SYT7: variants seen among roughly 807,000 people sequenced by gnomAD.
SYT7 encodes the protein synaptotagmin-7.
Under a neutral mutation model 75.1 loss-of-function variants are expected in SYT7, and 29 were observed. The observed-to-expected ratio is 0.39, with a 90% CI of 0.29 to 0.53. SYT7 has a LOEUF of 0.53. Among genes scored for constraint, SYT7 ranks in the 20% least tolerant of loss-of-function variants. The pLI, the probability that SYT7 is intolerant of heterozygous loss-of-function variation, is 0.77. For missense variants in SYT7, 693 were observed against 953.2 expected (o/e 0.73, Z 3.59); for synonymous variants, 376 against 401.7 (o/e 0.94, Z 0.76).
chr11:61,565,833 C>T (rs976340221), intron 1 of SYT7, among the ~76,000 whole-genome samples: 4 of 152,246 alleles, frequency 2.6e-5, no homozygotes, highest in African/African-American at 4.8e-5. Flanking sequence ...GGGCTCAGCA[C>T]GAGCAAGCTT....
At chr11:61,534,413 G>GCACACACACGCACACACACACA (rs796187429) in intron 7 of SYT7, among the ~76,000 whole-genome samples, 2 of 149,688 alleles carry the variant, frequency 1.3e-5, no homozygotes, top group African/African-American at 4.9e-5. Flanking sequence ...ACACACGCAC[G>GCACACACACGCACACACACACA]CACACATGCG....
At chr11:61,532,888 C>G (rs1007474762) in intron 8 of SYT7, 101 bp downstream of exon 8, 11 of 1,505,178 alleles carry the variant, frequency 7.3e-6, no homozygotes, top group Non-Finnish European at 9.8e-6. Flanking sequence ...CCTGCCTGGC[C>G]ACTCCCATGC....
At chr11:61,569,174 A>AT (rs564314734) in intron 1 of SYT7, among the ~76,000 whole-genome samples, 49 of 151,538 alleles carry the variant, frequency 3.2e-4, no homozygotes, top group Non-Finnish European at 4.4e-4. Flanking sequence ...TTCTAAATGA[A>AT]TTTTTTTTTC....
intron 1 of SYT7, among the ~76,000 whole-genome samples, chr11:61,568,093 C>T (rs2063824011): frequency 6.6e-6 from 1 of 152,172 alleles, no homozygotes; most frequent in Non-Finnish European, 1.5e-5. Context: ...GGCTCCACAC[C>T]TCTCCCCCAC....
intron 8 of SYT7, 139 bp from the exon 9 acceptor site, chr11:61,528,324 G>GCTGCTCA: frequency 9.2e-7 from 1 of 1,084,938 alleles, no homozygotes; most frequent in Non-Finnish European, 1.3e-6. Context: ...CTCAGGCTCA[G>GCTGCTCA]AGGGCAGGTG....
chr11:61,516,029 C>G lies in SYT7; in HGVS notation c.*2598G>C, dbSNP rs1325819919. On this transcript the variant is annotated 3_prime_UTR_variant, in exon 13 of 13. Transcript: ENST00000539008. The surrounding 1 kb of genome is among the most constrained non-coding windows in gnomAD (Gnocchi z 4.6). ...GAGGTAGGTGAAGTATTATTACCAT[C>G]ATTTTACAGATGGGGAAACCGAGGC... The G allele has an allele frequency of 6.6e-6, 1 of 152,644 alleles. No homozygotes were observed. Among genetic ancestry groups the G allele is most frequent in the Non-Finnish European group, 1.5e-5 (1 of 68,060 alleles). 9.5% of individuals were successfully genotyped at this position (152,644 alleles called of 1,614,324 possible).
In SYT7 at chr11:61,523,181, T is replaced by C. The variant is rs1340438740; in HGVS notation, c.1850A>G (p.Asn617Ser). Reference protein sequence around the residue: ...TMKRNLNPIFNESFAFDIPTE... With the variant: ...TMKRNLNPIFSESFAFDIPTE... ...GGGGATATCGAAGGCGAAGGACTCATTGAAGATGGGGTTCAGGTTCCTCTT... is the reference window on the plus strand; with the variant it reads ...GGGGATATCGAAGGCGAAGGACTCACTGAAGATGGGGTTCAGGTTCCTCTT... Residue 617 changes from asparagine (N) to serine (S), a missense_variant, in exon 12 of 13, where the codon AAT becomes AGT. Coordinates refer to ENST00000539008, the MANE Select transcript of SYT7 (RefSeq NM_001365809.2). The surrounding 1 kb of genome is among the most constrained non-coding windows in gnomAD (Gnocchi z 5.0). The C allele has an allele frequency of 3.7e-6, 6 of 1,614,216 alleles. No individual in the cohort carries two copies. Among genetic ancestry groups the C allele is most frequent in the South Asian group, 3.3e-5 (3 of 91,078 alleles).
chr11:61,562,757 CA>C (rs1317383226), intron 1 of SYT7, among the ~76,000 whole-genome samples: 4 of 152,208 alleles, frequency 2.6e-5, no homozygotes, highest in African/African-American at 7.2e-5. Flanking sequence ...GACATGGGAT[CA>C]GGGGTGACAG....
rs780321888 is a variant in SYT7, at chr11:61,523,210, C to T, written c.1821G>A (p.Thr607=). 18 of 1,614,082 alleles carry T rather than the reference C, an allele frequency of 1.1e-5. No individual in the cohort carries two copies. The highest frequency in any genetic ancestry group is 2.2e-5 in the East Asian group (1 of 44,888). ...DKRVEKKKTV[T]MKRNLNPIFN... The stretch of plus-strand genomic sequence containing the variant: ...AGATGGGGTTCAGGTTCCTCTTCAT[C>T]GTCACCGTCTTCTTCTTCTCCACCC... The change falls in exon 12 of 13, where the codon ACG becomes ACA. Residue 607 remains threonine (T), a synonymous_variant. Transcript: ENST00000539008. This position sits in a 1 kb window ranked among gnomAD's most constrained non-coding sequence, Gnocchi z 5.0.
rs1181562465 is a variant in SYT7, at chr11:61,542,411, C to A, written c.741G>T (p.Gln247His). 9.1e-6 allele frequency: 14 copies of A among 1,532,412 alleles called. No individual in the cohort carries two copies. The highest frequency in any genetic ancestry group is 1.1e-5 in the Non-Finnish European group (13 of 1,145,724). The allele number at this position is 1,532,412 out of a possible 1,614,324, so 94.9% of individuals were successfully genotyped here. A position where few individuals can be genotyped will look rare whatever the true frequency, so the allele number is the denominator to read the frequency against. ...GRQPSQPTTS[Q>H]SLGQLQAHMA... ...TGTGGGCCTGCAGCTGGCCCAGGCTCTGGCTGGTGGTGGGCTGGCTGGGCT... is the reference window on the plus strand; with the variant it reads ...TGTGGGCCTGCAGCTGGCCCAGGCTATGGCTGGTGGTGGGCTGGCTGGGCT... The change falls in exon 6 of 13, where the codon CAG (glutamine) becomes CAT (histidine). Residue 247 changes from glutamine (Q) to histidine (H), a missense_variant. Coordinates refer to ENST00000539008, the MANE Select transcript of SYT7 (RefSeq NM_001365809.2). The surrounding 1 kb of genome is among the most constrained non-coding windows in gnomAD (Gnocchi z 7.8).
rs2135002111 is a variant in SYT7 at position 61,517,801 on chromosome 11, A to G, written c.*826T>C. On this transcript the variant is annotated 3_prime_UTR_variant, in exon 13 of 13. Transcript: ENST00000539008. Reference sequence around the variant, plus strand: ...AAGAGATGAAATTGCTGAGGAGGGAACTACTTCAGATTCTGAGCAGAGGGG... The same window carrying G: ...AAGAGATGAAATTGCTGAGGAGGGAGCTACTTCAGATTCTGAGCAGAGGGG... The G allele has an allele frequency of 3.6e-6, 1 of 277,732 alleles. No homozygotes were observed. The allele number at this position is 277,732 out of a possible 1,614,324, so 17.2% of individuals were successfully genotyped here. A position where few individuals can be genotyped will look rare whatever the true frequency, so the allele number is the denominator to read the frequency against.
At position 61,551,639 on chromosome 11, in the gene SYT7, C is replaced by T. The variant is rs428619; in HGVS notation, c.136-176G>A. 5.7e-3 allele frequency among the ~76,000 whole-genome samples: 874 copies of T among 152,256 alleles called. 3 individuals carry two copies. The highest frequency in any genetic ancestry group is 0.015 in the Admixed American group (227 of 15,300). On this transcript the variant is annotated intron_variant, in intron 2 of 12. Transcript: ENST00000539008. This position sits in a 1 kb window ranked among gnomAD's most constrained non-coding sequence, Gnocchi z 5.3. ...GGGCCAATCCCCTGGATGCCTGCTC[C>T]CCGGTTGGCAGCTCCTGGGCCCCAT... is the stretch of plus-strand genomic sequence containing the variant.
chr11:61,540,605 A>T, intron 6 of SYT7: 1 of 985,510 alleles, frequency 1.0e-6, no homozygotes, highest in Non-Finnish European at 1.2e-6. Context: ...TGCATGCATG[A>T]TGCTGGACGA....
At position 61,523,375 on chromosome 11, in the gene SYT7, G is replaced by C; in HGVS notation, c.1757-101C>G. ...ATGGAAGCTGAGGCAGGAGGGCCGT[G>C]TGCTTTCCCCAGAGGCAAGGAAAGA... On this transcript the variant is annotated intron_variant, in intron 11 of 12. Coordinates refer to ENST00000539008, the MANE Select transcript of SYT7 (RefSeq NM_001365809.2). This position sits in a 1 kb window ranked among gnomAD's most constrained non-coding sequence, Gnocchi z 5.0. 1 of 1,191,120 alleles carries C rather than the reference G, an allele frequency of 8.4e-7. No homozygotes were observed. The highest frequency in any genetic ancestry group is 1.2e-6 in the Non-Finnish European group (1 of 813,800). The allele number at this position is 1,191,120 out of a possible 1,614,324, so 73.8% of individuals were successfully genotyped here.
At chr11:61,555,932 G>A (rs906050708) in intron 2 of SYT7, among the ~76,000 whole-genome samples, 172 bp downstream of exon 2, 1 of 152,196 alleles carries the variant, frequency 6.6e-6, no homozygotes, top group Non-Finnish European at 1.5e-5. Flanking sequence ...GCATGCATGC[G>A]TATGCACGCG....
chr11:61,523,321 CT>C lies in SYT7; in HGVS notation c.1757-48del. The C allele has an allele frequency of 6.4e-7, 1 of 1,564,344 alleles. No individual in the cohort carries two copies. The highest frequency in any genetic ancestry group is 8.8e-7 in the Non-Finnish European group (1 of 1,135,822). ...GGTTAGAGGGACCGTGGGGGAGGGACTTCCTAGGATCCTTTTCCCCTTCCAG... is the reference window on the plus strand; with the variant it reads ...GGTTAGAGGGACCGTGGGGGAGGGACTCCTAGGATCCTTTTCCCCTTCCAG... On this transcript the variant is annotated intron_variant, in intron 11 of 12. Transcript: ENST00000539008. This position sits in a 1 kb window ranked among gnomAD's most constrained non-coding sequence, Gnocchi z 5.0.
In SYT7 at chr11:61,523,798, G is replaced by A. The variant is rs202111668; in HGVS notation, c.1756+29C>T. 5.5e-5 allele frequency: 89 copies of A among 1,603,880 alleles called. No individual in the cohort carries two copies. Among genetic ancestry groups the A allele is most frequent in the Middle Eastern group, 3.3e-4 (2 of 6,056 alleles). ...TGTGTCACCAGCACCTCCCCGGCCCGCCCATCCTCTGCTGGAGAAGCCCCG... is the reference window on the plus strand; with the variant it reads ...TGTGTCACCAGCACCTCCCCGGCCCACCCATCCTCTGCTGGAGAAGCCCCG... On this transcript the variant is annotated intron_variant, in intron 11 of 12. Transcript: ENST00000539008. The surrounding 1 kb of genome is among the most constrained non-coding windows in gnomAD (Gnocchi z 5.0).
At chr11:61,556,590 T>C (rs1397837051) in intron 1 of SYT7, among the ~76,000 whole-genome samples, 1 of 152,222 alleles carries the variant, frequency 6.6e-6, no homozygotes, top group Non-Finnish European at 1.5e-5. Context: ...CCACTGCTCC[T>C]GGATGGCCTT....
At position 61,533,056 on chromosome 11, in the gene SYT7, T is replaced by G. The variant is rs776927698; in HGVS notation, c.1133A>C (p.Asp378Ala). ...VPGQTPHDES[D>A]RRTEPRSSVS... ...GGAGGAACGTGGCTCGGTCCGGCGG[T>G]CGGACTCATCGTGGGGTGTCTGGCC... Residue 378 changes from aspartate to alanine, a missense_variant, in exon 8 of 13, where the codon GAC becomes GCC. Asp to Ala is a moderately radical substitution (Grantham distance 126, BLOSUM62 -2). Around this residue, in one of 2 missense-constraint regions of SYT7, gnomAD observed 487 missense variants for 593.2 expected, o/e 0.82. Coordinates refer to ENST00000539008, the MANE Select transcript of SYT7 (RefSeq NM_001365809.2). The G allele has an allele frequency of 6.2e-7, 1 of 1,613,174 alleles. No individual in the cohort carries two copies.
Sources: gnomAD v4.1 joint callset for allele counts (sites outside exome capture counted in the v4.1 genomes callset) on GRCh38, gnomAD v4.1.1 for gene constraint, gnomAD v4.1.1 regional missense constraint, Gnocchi (gnomAD v3.1) non-coding constraint, MANE v1.5 for transcripts, NCBI Gene and HGNC (gene_info 2026-07-23, HGNC 2026-07-21) for gene names.